Variants in MINDY4B observed in about 807,000 individuals in gnomAD.
MINDY4B encodes the protein MINDY family member 4B.
In MINDY4B, 25 loss-of-function variants were observed where a neutral mutation model predicts 16.7. The ratio of observed to expected loss-of-function variants is 1.49; its 90% CI spans 1.09 to 2.09. The LOEUF (loss-of-function observed/expected upper bound fraction) is 2.09. Ranked by LOEUF, MINDY4B falls within the 30% of genes most tolerant of loss-of-function variation. MINDY4B has a pLI of 0.00. For missense variants in MINDY4B, 327 were observed against 168.4 expected (o/e 1.94, Z -5.21); for synonymous variants, 132 against 61.9 (o/e 2.13, Z -5.32).
chr3:150,894,650 T>A (rs554416293), intron 3 of MINDY4B, among the ~76,000 whole-genome samples: 4 of 152,274 alleles, frequency 2.6e-5, no homozygotes, highest in African/African-American at 9.6e-5. Context: ...ACAGTCAGGA[T>A]CTCATGTTTC....
intron 11 of MINDY4B, among the ~76,000 whole-genome samples, chr3:150,872,314 T>G (rs1716989573): frequency 6.6e-6 from 1 of 152,178 alleles, no homozygotes; most frequent in African/African-American, 2.4e-5. Context: ...AGAAAAAGAA[T>G]TAGGAGCTGC....
chr3:150,878,391 A>C (rs1559964438), intron 10 of MINDY4B, among the ~76,000 whole-genome samples: 1 of 152,184 alleles, frequency 6.6e-6, no homozygotes, highest in East Asian at 1.9e-4. Flanking sequence ...TCAAGTAAGA[A>C]AACTAACTGC....
At chr3:150,892,284 A>G (rs1192711662) in intron 5 of MINDY4B, among the ~76,000 whole-genome samples, 1 of 152,214 alleles carries the variant, frequency 6.6e-6, no homozygotes, top group Admixed American at 6.5e-5. Flanking sequence ...TCAGACTGAC[A>G]TTGCTGGAAG....
intron 7 of MINDY4B, among the ~76,000 whole-genome samples, chr3:150,885,658 C>G (rs1366757438): frequency 1.3e-5 from 2 of 152,166 alleles, no homozygotes; most frequent in Non-Finnish European, 2.9e-5. Context: ...TGGCCCTCAC[C>G]TTATCTTTTT....
At chr3:150,897,304 G>C (rs1711998960) in intron 3 of MINDY4B, among the ~76,000 whole-genome samples, 1 of 148,358 alleles carries the variant, frequency 6.7e-6, no homozygotes, top group African/African-American at 2.5e-5. Context: ...AGGAGTAAGT[G>C]TTCAATGTGA....
rs1359370748 is a variant in MINDY4B at position 150,891,023 on chromosome 3, G to T, written c.602C>A (p.Ala201Asp). Residue 201 changes from alanine to aspartate, a missense_variant, in exon 6 of 12, where the codon GCT becomes GAT. Ala to Asp is a moderately radical substitution (Grantham distance 126). Coordinates refer to ENST00000465419, the MANE Select transcript of MINDY4B (RefSeq NM_001351281.2). ...LAGILWAAGA[A>D]QKATICLVTE... ...GACAAGACAGATGGTGGCCTTCTGA[G>T]CTGCTCCTGCAGCCCACAGGATGCC... 2 of 702,760 alleles carry T rather than the reference G, an allele frequency of 2.8e-6. No homozygotes were observed. The highest frequency in any genetic ancestry group is 4.0e-5 in the Admixed American group (2 of 49,998). The allele number at this position is 702,760 out of a possible 1,614,324, so 43.5% of individuals were successfully genotyped here. A position where few individuals can be genotyped will look rare whatever the true frequency, so the allele number is the denominator to read the frequency against.
chr3:150,895,298 A>G (rs1711931146), intron 3 of MINDY4B, among the ~76,000 whole-genome samples: 1 of 152,006 alleles, frequency 6.6e-6, no homozygotes, highest in Non-Finnish European at 1.5e-5. Flanking sequence ...CATCCTTATG[A>G]TTTCTATCAT....
intron 4 of MINDY4B, among the ~76,000 whole-genome samples, chr3:150,893,709 GGGGT>G (rs1433518558): frequency 7.9e-5 from 2 of 25,200 alleles, no homozygotes; most frequent in South Asian, 3.0e-3. Context: ...GGGGGGGGGT[GGGGT>G]GCAGTCTTGC....
intron 10 of MINDY4B, 32 bp from the exon 11 acceptor site, chr3:150,873,399 T>C (rs934793216): frequency 1.9e-5 from 13 of 695,024 alleles, no homozygotes; most frequent in Non-Finnish European, 2.9e-5. Context: ...CAGATAAATA[T>C]ATAGATTTTG....
chr3:150,870,922 A>G lies in MINDY4B; in HGVS notation c.*123T>C, dbSNP rs557272041. The G allele has an allele frequency of 3.3e-6, 2 of 604,776 alleles. No homozygotes were observed. The highest frequency in any genetic ancestry group is 5.5e-5 in the East Asian group (2 of 36,394). 37.5% of individuals were successfully genotyped at this position (604,776 alleles called of 1,614,324 possible). On this transcript the variant is annotated 3_prime_UTR_variant, in exon 12 of 12. Transcript: ENST00000465419. ...AATGAAAAAACTGCTAATGGTATAT[A>G]TATATATTTTTTGGTGGGGCTTGTG...
At chr3:150,891,906 G>A (rs1711822758) in intron 5 of MINDY4B, among the ~76,000 whole-genome samples, 1 of 152,176 alleles carries the variant, frequency 6.6e-6, no homozygotes, top group Non-Finnish European at 1.5e-5. Context: ...GCTTCGTGCA[G>A]TGTGTCTACA....
chr3:150,903,154 A>G, intron 3 of MINDY4B, 95 bp downstream of exon 3: 1 of 397,386 alleles, frequency 2.5e-6, no homozygotes. Flanking sequence ...CTTATCTTCA[A>G]TATACTCTCA....
chr3:150,871,335 C>T (rs578214207), intron 11 of MINDY4B, 148 bp from the exon 12 acceptor site: 2 of 609,734 alleles, frequency 3.3e-6, no homozygotes, highest in South Asian at 3.9e-5. Flanking sequence ...GGGATTCAAG[C>T]AGGTAGTGTG....
chr3:150,887,701 G>A (rs898916625), intron 7 of MINDY4B, among the ~76,000 whole-genome samples: 73 of 152,222 alleles, frequency 4.8e-4, no homozygotes, highest in African/African-American at 1.6e-3. Context: ...CATATGACAG[G>A]TGTGTTTGTT....
At position 150,885,407 on chromosome 3, in the gene MINDY4B, A is replaced by G; in HGVS notation, c.785T>C (p.Leu262Pro). The change falls in exon 8 of 12, where the codon CTG (leucine) becomes CCG (proline). Residue 262 changes from leucine to proline, a missense_variant. Physicochemically the swap from Leu to Pro is moderately conservative, Grantham distance 98. Transcript: ENST00000465419. ...FRGEGSHGVI[L>P]FLYSLIFSRT... ...AGAGAAGATCAGGCTGTACAGAAAC[A>G]GGATGACACCATGGCTTCCTTCCCC... The G allele has an allele frequency of 1.4e-6, 1 of 702,824 alleles. No individual in the cohort carries two copies. 43.5% of individuals were successfully genotyped at this position (702,824 alleles called of 1,614,324 possible).
In MINDY4B at chr3:150,882,587, T is replaced by G. The variant is rs1711539559; in HGVS notation, c.1059+310A>C. On this transcript the variant is annotated intron_variant, in intron 10 of 11. Transcript: ENST00000465419. ...GTGTATATATATATATATATATATA[T>G]ATATATTTGTCAACCTCATTAAACA... Among the ~76,000 whole-genome samples, 17 of 112,192 alleles carry G rather than the reference T, an allele frequency of 1.5e-4. No individual in the cohort carries two copies. In the South Asian group the frequency reaches 5.0e-3, roughly 33 times the overall value. The allele number at this position is 112,192 out of a possible 152,430, so 73.6% of individuals were successfully genotyped here.
chr3:150,883,013 A>G lies in MINDY4B; in HGVS notation c.943T>C (p.Phe315Leu). Reference sequence around the variant, plus strand: ...GACTTTCCTTCCTCACAGCCATTGAAGACATTGGGACTTGCTCTTCCAGTT... The same window carrying G: ...GACTTTCCTTCCTCACAGCCATTGAGGACATTGGGACTTGCTCTTCCAGTT... ...ILTGRASPNV[F>L]NGCEEGKSQE... is the part of the protein sequence containing the mutation. Residue 315 changes from phenylalanine to leucine, a missense_variant, in exon 10 of 12, where the codon TTC becomes CTC. Physicochemically the swap from Phe to Leu is conservative, Grantham distance 22. Coordinates refer to ENST00000465419, the MANE Select transcript of MINDY4B (RefSeq NM_001351281.2). 1 of 702,602 alleles carries G rather than the reference A, an allele frequency of 1.4e-6. No homozygotes were observed. Among genetic ancestry groups the G allele is most frequent in the Non-Finnish European group, 2.6e-6 (1 of 384,712 alleles). 43.5% of individuals were successfully genotyped at this position (702,602 alleles called of 1,614,324 possible). A position where few individuals can be genotyped will look rare whatever the true frequency, so the allele number is the denominator to read the frequency against.
chr3:150,899,551 G>A (rs113197959), intron 3 of MINDY4B, among the ~76,000 whole-genome samples: 2 of 152,126 alleles, frequency 1.3e-5, no homozygotes, highest in East Asian at 3.9e-4. Flanking sequence ...AGCTAGCCAC[G>A]AGCAACCTGA....
chr3:150,895,546 A>G (rs557418662), intron 3 of MINDY4B, among the ~76,000 whole-genome samples: 2 of 152,172 alleles, frequency 1.3e-5, no homozygotes, highest in South Asian at 4.2e-4. Context: ...GCTCACTGCA[A>G]CCTCAGCCTC....
Sources: allele counts gnomAD v4.1 joint callset (sites outside exome capture counted in the v4.1 genomes callset), GRCh38; gene constraint gnomAD v4.1.1; transcripts MANE v1.5; gene names NCBI Gene and HGNC (gene_info 2026-07-23, HGNC 2026-07-21).